KLF12: variants seen among roughly 807,000 people sequenced by gnomAD.
KLF12 encodes Krueppel-like factor 12.
KLF12 carries 9 observed loss-of-function variants against 37.8 expected under a neutral mutation model. The ratio of observed to expected loss-of-function variants is 0.24; its 90% CI spans 0.14 to 0.42. KLF12 has a LOEUF of 0.42. Among genes scored for constraint, KLF12 ranks in the 10% least tolerant of loss-of-function variants. The pLI is 1.00. For missense variants in KLF12, 411 were observed against 516.0 expected (o/e 0.80, Z 1.97); for synonymous variants, 208 against 202.1 (o/e 1.03, Z -0.25).
At chr13:73,921,795 C>T (rs1889128711) in intron 3 of KLF12, among the ~76,000 whole-genome samples, 2 of 152,144 alleles carry the variant, frequency 1.3e-5, no homozygotes, top group Non-Finnish European at 2.9e-5. Flanking sequence ...TTTCTAGATA[C>T]GTGTCTTTTG....
chr13:73,796,917 A>G, intron 5 of KLF12, among the ~76,000 whole-genome samples: 1 of 152,198 alleles, frequency 6.6e-6, no homozygotes, highest in Non-Finnish European at 1.5e-5. Context: ...TTATGCAATG[A>G]AAGAAGGCTG....
At position 73,824,795 on chromosome 13, in the gene KLF12, C is replaced by T. The variant is rs138175958; in HGVS notation, c.671-11508G>A. Reference sequence around the variant, plus strand: ...TAGATTTCTAATTTCAGGCTGGGCGCGGTGGCTCACACCTGTAATCCCAGC... The same window carrying T: ...TAGATTTCTAATTTCAGGCTGGGCGTGGTGGCTCACACCTGTAATCCCAGC... On this transcript the variant is annotated intron_variant, in intron 4 of 7. Transcript: ENST00000377669. 7.7e-3 allele frequency among the ~76,000 whole-genome samples: 1,171 copies of T among 152,186 alleles called. 13 individuals carry two copies. The highest frequency in any genetic ancestry group is 0.026 in the African/African-American group (1,085 of 41,528).
chr13:74,228,482 G>T, the KLF12 span, among the ~76,000 whole-genome samples: 8 of 151,968 alleles, frequency 5.3e-5, no homozygotes, highest in African/African-American at 1.5e-4. Context: ...TTTTGAGGTC[G>T]CCTAGACCAG....
At chr13:73,981,747 C>T (rs939346518) in intron 2 of KLF12, among the ~76,000 whole-genome samples, 3 of 152,138 alleles carry the variant, frequency 2.0e-5, no homozygotes, top group African/African-American at 4.8e-5. Flanking sequence ...AGGTGATTTA[C>T]GAAGCTGCCT....
intron 1 of KLF12, among the ~76,000 whole-genome samples, chr13:74,064,325 C>CTAGT (rs1474119289): frequency 6.6e-6 from 1 of 152,146 alleles, no homozygotes; most frequent in African/African-American, 2.4e-5. Context: ...AAACATTTGC[C>CTAGT]TAGTACCTTG....
At chr13:73,858,300 T>C (rs1885713729) in intron 3 of KLF12, among the ~76,000 whole-genome samples, 1 of 152,226 alleles carries the variant, frequency 6.6e-6, no homozygotes, top group Admixed American at 6.5e-5. Flanking sequence ...TTGCTAAGTG[T>C]GTCACTAGTA....
the KLF12 span, among the ~76,000 whole-genome samples, chr13:74,232,481 A>G: frequency 6.6e-6 from 1 of 152,138 alleles, no homozygotes; most frequent in South Asian, 2.1e-4. Flanking sequence ...ACTATAAGAA[A>G]CTGTCTTGTT....
At position 73,734,282 on chromosome 13, in the gene KLF12, CT is replaced by C. The variant is rs559338000; in HGVS notation, c.870-18758del. ...CTGACCCCTGCACCACAGCTTCTCA[CT>C]GTCTATTGCTTGCTTTGCTTCATAT... On this transcript the variant is annotated intron_variant, in intron 6 of 7. Transcript: ENST00000377669. 3.3e-3 allele frequency among the ~76,000 whole-genome samples: 509 copies of C among 152,214 alleles called. 2 individuals carry two copies. Among genetic ancestry groups the C allele is most frequent in the African/African-American group, 0.012 (494 of 41,534 alleles).
At chr13:74,259,373 C>T in the KLF12 span, 1 of 152,370 alleles carries the variant, frequency 6.6e-6, no homozygotes, top group East Asian at 1.9e-4. Context: ...CCTCATCTCT[C>T]TGCAACCTCT....
At chr13:73,993,557 C>A (rs1892028692) in intron 2 of KLF12, among the ~76,000 whole-genome samples, 1 of 152,144 alleles carries the variant, frequency 6.6e-6, no homozygotes, top group African/African-American at 2.4e-5. Flanking sequence ...ATCTCAACAT[C>A]ATTTCTAAAG....
intron 3 of KLF12, among the ~76,000 whole-genome samples, chr13:73,855,552 A>C (rs1363254646): frequency 6.6e-6 from 1 of 152,166 alleles, no homozygotes; most frequent in Non-Finnish European, 1.5e-5. Flanking sequence ...TGCTGCAATG[A>C]ATATATGGAT....
intron 6 of KLF12, among the ~76,000 whole-genome samples, chr13:73,738,865 A>G (rs1877730467): frequency 6.6e-6 from 1 of 152,132 alleles, no homozygotes; most frequent in Admixed American, 6.5e-5. Context: ...ACCAGGCCCC[A>G]CCCATCTAAC....
the KLF12 span, among the ~76,000 whole-genome samples, chr13:74,285,502 G>A: frequency 0.011 from 1,744 of 152,296 alleles, 37 homozygotes; most frequent in African/African-American, 0.039. Flanking sequence ...GCAGACTGAC[G>A]TTTTCATTTG....
intron 5 of KLF12, among the ~76,000 whole-genome samples, chr13:73,798,916 T>C (rs577144423): frequency 2.6e-5 from 4 of 152,298 alleles, no homozygotes; most frequent in Admixed American, 2.0e-4. Flanking sequence ...ACTGGGTGTA[T>C]ACCGAAAGGA....
the KLF12 span, among the ~76,000 whole-genome samples, chr13:74,197,436 C>T: frequency 6.7e-6 from 1 of 150,038 alleles, no homozygotes; most frequent in East Asian, 2.0e-4. Flanking sequence ...CATTCTCCCT[C>T]CAATTGTTTA....
intron 3 of KLF12, among the ~76,000 whole-genome samples, chr13:73,848,876 G>A (rs9565052): frequency 0.21 from 31,642 of 152,002 alleles, 3,699 homozygotes; most frequent in East Asian, 0.48. Context: ...TTTTTCATAT[G>A]TGGCAGCTGA....
At chr13:74,180,016 G>A in the KLF12 span, among the ~76,000 whole-genome samples, 1 of 152,258 alleles carries the variant, frequency 6.6e-6, no homozygotes, top group South Asian at 2.1e-4. Flanking sequence ...AACAAATCTG[G>A]GAGATAATGA....
At chr13:74,167,541 T>A in the KLF12 span, among the ~76,000 whole-genome samples, 2 of 152,208 alleles carry the variant, frequency 1.3e-5, no homozygotes, top group African/African-American at 4.8e-5. Flanking sequence ...CAAAGTGAAA[T>A]GAAACGTTAG....
At chr13:74,064,404 A>ACATT (rs1873787612) in intron 1 of KLF12, among the ~76,000 whole-genome samples, 2 of 18,068 alleles carry the variant, frequency 1.1e-4, no homozygotes, top group Non-Finnish European at 1.2e-3. Flanking sequence ...CACTCACTCA[A>ACATT]TATTAAGTAT....
Sources: gnomAD v4.1 joint callset for allele counts (sites outside exome capture counted in the v4.1 genomes callset) on GRCh38, gnomAD v4.1.1 for gene constraint, MANE v1.5 for transcripts, NCBI Gene and HGNC (gene_info 2026-07-23, HGNC 2026-07-21) for gene names.